The following ADH1A variants were observed in gnomAD, a reference collection of about 807,000 sequenced individuals.
ADH1A encodes alcohol dehydrogenase 1A (class I), alpha polypeptide, also known as alcohol dehydrogenase 1A.
ADH1A carries 29 observed loss-of-function variants against 35.2 expected under a neutral mutation model. That is an observed-to-expected ratio of 0.82 (90% CI 0.61 to 1.12). The LOEUF (loss-of-function observed/expected upper bound fraction) is 1.12, where lower values mean the gene tolerates loss of function less well. Ranked by LOEUF, ADH1A falls within the 50% of genes most tolerant of loss-of-function variation. ADH1A has a pLI of 0.00. For synonymous variants in ADH1A, 147 were observed against 164.8 expected (o/e 0.89, Z 0.83); for missense variants, 469 against 464.7 (o/e 1.01, Z -0.09).
intron 8 of ADH1A, among the ~76,000 whole-genome samples, chr4:99,277,739 T>C (rs1271465454): frequency 6.6e-6 from 1 of 152,136 alleles, no homozygotes; most frequent in African/African-American, 2.4e-5. Flanking sequence ...TCATTTCTTT[T>C]TGATGGCTTC....
At chr4:99,284,315 C>A in intron 5 of ADH1A, 84 bp downstream of exon 5, 2 of 1,408,474 alleles carry the variant, frequency 1.4e-6, no homozygotes, top group South Asian at 1.2e-5. Flanking sequence ...CAAAAATAAT[C>A]TTCGATTCTT....
At chr4:99,278,215 T>TATG (rs1031422483) in intron 8 of ADH1A, among the ~76,000 whole-genome samples, 1 of 152,046 alleles carries the variant, frequency 6.6e-6, no homozygotes, top group Non-Finnish European at 1.5e-5. Context: ...TTTTCAATCC[T>TATG]ATGATGATGA....
At chr4:99,288,387 A>G (rs1733210184) in intron 1 of ADH1A, among the ~76,000 whole-genome samples, 1 of 151,890 alleles carries the variant, frequency 6.6e-6, no homozygotes, top group African/African-American at 2.4e-5. Context: ...ACTCAGACCT[A>G]CACATACATA....
At chr4:99,288,336 G>GGTGT (rs70955994) in intron 1 of ADH1A, among the ~76,000 whole-genome samples, 1,867 of 149,736 alleles carry the variant, frequency 0.012, 17 homozygotes, top group Non-Finnish European at 0.018. Context: ...GTTAGAGTTG[G>GGTGT]GTGTGTGTGT....
intron 8 of ADH1A, among the ~76,000 whole-genome samples, chr4:99,279,149 T>C (rs1732935171): frequency 6.6e-6 from 1 of 152,018 alleles, no homozygotes; most frequent in Non-Finnish European, 1.5e-5. Flanking sequence ...CAAAGGTGAT[T>C]GTTCTCTTTT....
At chr4:99,286,829 T>C in intron 3 of ADH1A, 21 bp downstream of exon 3, 1 of 1,612,186 alleles carries the variant, frequency 6.2e-7, no homozygotes, top group Non-Finnish European at 8.5e-7. Context: ...CCATCATGTT[T>C]CCTGAATGTG....
intron 8 of ADH1A, 132 bp downstream of exon 8, chr4:99,279,294 G>T (rs1732939660): frequency 8.2e-7 from 1 of 1,213,566 alleles, no homozygotes; most frequent in Non-Finnish European, 1.1e-6. Flanking sequence ...AGCTCTCCAT[G>T]TAAAGACTGA....
At position 99,284,385 on chromosome 4, in the gene ADH1A, A is replaced by G. The variant is rs1579492142; in HGVS notation, c.567+14T>C. 2.5e-6 allele frequency: 4 copies of G among 1,613,068 alleles called. No individual in the cohort carries two copies. Among genetic ancestry groups the G allele is most frequent in the Non-Finnish European group, 3.4e-6 (4 of 1,179,078 alleles). On this transcript the variant is annotated intron_variant, in intron 5 of 8. Coordinates refer to ENST00000209668, the MANE Select transcript of ADH1A (RefSeq NM_000667.4). ...CTGCGTGTAACTGTTTTTATCACCC[A>G]TTGCCATTCTTACCTTGGCAACATT...
rs759629959 is a variant in ADH1A, at chr4:99,284,381, AC to A, written c.567+17del. 1 of 1,612,650 alleles carries A rather than the reference AC, an allele frequency of 6.2e-7. No individual in the cohort carries two copies. Among genetic ancestry groups the A allele is most frequent in the South Asian group, 1.1e-5 (1 of 91,034 alleles). ...CAGTCTGCGTGTAACTGTTTTTATCACCCATTGCCATTCTTACCTTGGCAAC... is the reference window on the plus strand; with the variant it reads ...CAGTCTGCGTGTAACTGTTTTTATCACCATTGCCATTCTTACCTTGGCAAC... On this transcript the variant is annotated intron_variant, in intron 5 of 8. Transcript: ENST00000209668.
intron 1 of ADH1A, among the ~76,000 whole-genome samples, chr4:99,289,925 T>C (rs1302811812): frequency 6.6e-6 from 1 of 152,206 alleles, no homozygotes; most frequent in Non-Finnish European, 1.5e-5. Flanking sequence ...GGGCCACCCA[T>C]GTGATTTCCA....
At position 99,282,585 on chromosome 4, in the gene ADH1A, C is replaced by A; in HGVS notation, c.589G>T (p.Ala197Ser). 1 of 1,614,182 alleles carries A rather than the reference C, an allele frequency of 6.2e-7. No homozygotes were observed. Reference sequence around the variant, plus strand: ...CCGACCCCTCCCAGGCCAAACACAGCACAGGTAGAGCCTGGGGTGACCTGT... The same window carrying A: ...CCGACCCCTCCCAGGCCAAACACAGAACAGGTAGAGCCTGGGGTGACCTGT... Reference protein sequence around the residue: ...VAKVTPGSTCAVFGLGGVGLS... With the variant: ...VAKVTPGSTCSVFGLGGVGLS... The change falls in exon 6 of 9, where the codon GCT (alanine) becomes TCT (serine). Residue 197 changes from alanine to serine, a missense_variant. Physicochemically the swap from Ala to Ser is moderately conservative, Grantham distance 99. Transcript: ENST00000209668.
chr4:99,280,556 T>C (rs1408623956), intron 6 of ADH1A, among the ~76,000 whole-genome samples: 2 of 152,244 alleles, frequency 1.3e-5, no homozygotes, highest in African/African-American at 4.8e-5. Context: ...ATCACAAATA[T>C]ATATTAAGTC....
chr4:99,282,592 A>G lies in ADH1A; in HGVS notation c.582T>C (p.Ser194=), dbSNP rs192109758. 28 of 1,614,184 alleles carry G rather than the reference A, an allele frequency of 1.7e-5. No individual in the cohort carries two copies. Among genetic ancestry groups the G allele is most frequent in the African/African-American group, 1.2e-4 (9 of 75,074 alleles). ...AVNVAKVTPG[S]TCAVFGLGGV... The stretch of plus-strand genomic sequence containing the variant: ...CTCCCAGGCCAAACACAGCACAGGT[A>G]GAGCCTGGGGTGACCTGTGTTTTCA... The change falls in exon 6 of 9, where the codon TCT becomes TCC. Residue 194 remains serine (S), a synonymous_variant. Coordinates refer to ENST00000209668, the MANE Select transcript of ADH1A (RefSeq NM_000667.4).
chr4:99,285,914 C>G (rs1049740381), intron 3 of ADH1A, among the ~76,000 whole-genome samples: 2 of 148,904 alleles, frequency 1.3e-5, no homozygotes, highest in African/African-American at 5.0e-5. Flanking sequence ...CCCAGATACC[C>G]GGTAGGCTGA....
At chr4:99,286,021 C>CAA (rs397938892) in intron 3 of ADH1A, among the ~76,000 whole-genome samples, 2,521 of 85,136 alleles carry the variant, frequency 0.03, 204 homozygotes, top group African/African-American at 0.11. Flanking sequence ...GACTCCGTCT[C>CAA]AAAAAAAAAA....
At chr4:99,287,273 G>T (rs1232130010) in intron 2 of ADH1A, among the ~76,000 whole-genome samples, 1 of 152,098 alleles carries the variant, frequency 6.6e-6, no homozygotes, top group African/African-American at 2.4e-5. Flanking sequence ...TTAAAAAATA[G>T]AAGTAGAAGT....
chr4:99,284,451 A>G lies in ADH1A; in HGVS notation c.515T>C (p.Leu172Pro). 1 of 1,614,146 alleles carries G rather than the reference A, an allele frequency of 6.2e-7. No individual in the cohort carries two copies. The highest frequency in any genetic ancestry group is 8.5e-7 in the Non-Finnish European group (1 of 1,179,976). ...ACCAGTTGAAAATCCACAGCCAATG[A>G]GACAGACTTTCTCTAGAGGCGAGGC... The part of the protein sequence containing the change: ...DAASPLEKVC[L>P]IGCGFSTGYG... Residue 172 changes from leucine (L) to proline (P), a missense_variant, in exon 5 of 9, where the codon CTC (leucine) becomes CCC (proline). Coordinates refer to ENST00000209668, the MANE Select transcript of ADH1A (RefSeq NM_000667.4).
In ADH1A at chr4:99,279,636, A is replaced by G. The variant is rs1579488732; in HGVS notation, c.965-72T>C. 48 of 1,534,384 alleles carry G rather than the reference A, an allele frequency of 3.1e-5. No individual in the cohort carries two copies. The East Asian group carries it at 1.1e-3, about 35-fold the overall frequency. Reference sequence around the variant, plus strand: ...GAGAATTGAAGAGAAGATTTTCCAAATAAATGAAAGTTTAGAAAAGATGCT... The same window carrying G: ...GAGAATTGAAGAGAAGATTTTCCAAGTAAATGAAAGTTTAGAAAAGATGCT... On this transcript the variant is annotated intron_variant, in intron 7 of 8. Transcript: ENST00000209668.
chr4:99,287,649 G>A lies in ADH1A; in HGVS notation c.35C>T (p.Ala12Val). The change falls in exon 2 of 9, where the codon GCA becomes GTA. Residue 12 changes from alanine to valine, a missense_variant. Transcript: ENST00000209668. ...STAGKVIKCKAAVLWELKKPF... is the reference protein window; with the variant it reads ...STAGKVIKCKVAVLWELKKPF... ...TTTCTTTAACTCCCATAGCACAGCT[G>A]CTTTGCATTTGATTACCTAGAAAAG... 2 of 1,613,930 alleles carry A rather than the reference G, an allele frequency of 1.2e-6. No individual in the cohort carries two copies. The highest frequency in any genetic ancestry group is 1.7e-6 in the Non-Finnish European group (2 of 1,179,906).
Sources: gnomAD v4.1 joint callset for allele counts (sites outside exome capture counted in the v4.1 genomes callset) on GRCh38, gnomAD v4.1.1 for gene constraint, MANE v1.5 for transcripts, NCBI Gene and HGNC (gene_info 2026-07-23, HGNC 2026-07-21) for gene names.